Variants in TMTC4 observed in about 807,000 individuals in gnomAD.
The protein encoded by TMTC4 is transmembrane O-mannosyltransferase targeting cadherins 4.
A neutral mutation model predicts 86.0 loss-of-function variants in TMTC4; 65 were observed. The ratio of observed to expected loss-of-function variants is 0.76; its 90% CI spans 0.62 to 0.93. The LOEUF (loss-of-function observed/expected upper bound fraction) is 0.93, where lower values mean the gene tolerates loss of function less well. TMTC4 is among the 40% of genes least tolerant of loss of function. TMTC4 has a pLI of 0.00. For synonymous variants in TMTC4, 379 were observed against 382.5 expected (o/e 0.99, Z 0.11); for missense variants, 866 against 948.1 (o/e 0.91, Z 1.14).
chr13:100,652,127 T>A (rs1315641443), intron 6 of TMTC4, among the ~76,000 whole-genome samples: 2 of 151,956 alleles, frequency 1.3e-5, no homozygotes, highest in East Asian at 3.9e-4. Context: ...ATCGTGCCAC[T>A]GCATTCCAGC....
chr13:100,642,329 T>C lies in TMTC4; in HGVS notation c.641-18A>G, dbSNP rs1883128454. The C allele has an allele frequency of 1.2e-6, 2 of 1,613,868 alleles. No individual in the cohort carries two copies. The highest frequency in any genetic ancestry group is 8.5e-7 in the Non-Finnish European group (1 of 1,179,908). ...CTTGTTACCTGCCAATTAAGAGAAA[T>C]GATCAGTGCAAAAGTCATGGAATGC... On this transcript the variant is annotated intron_variant, in intron 6 of 18. Coordinates refer to ENST00000342624, the MANE Select transcript of TMTC4 (RefSeq NM_032813.5).
At chr13:100,628,557 G>A (rs1345202668) in intron 12 of TMTC4, among the ~76,000 whole-genome samples, 3 of 151,798 alleles carry the variant, frequency 2.0e-5, no homozygotes, top group East Asian at 1.9e-4. Context: ...ATTTTTTGAG[G>A]TACTAACATG....
In TMTC4 at chr13:100,638,052, C is replaced by T. The variant is rs367545506; in HGVS notation, c.742-30G>A. 211 of 1,581,206 alleles carry T rather than the reference C, an allele frequency of 1.3e-4. 1 individual carries two copies. The Middle Eastern group carries it at 7.7e-3, about 58-fold the overall frequency. On this transcript the variant is annotated intron_variant, in intron 7 of 18. Transcript: ENST00000342624. ...GAAAGCAAAGCAAGACAATCAGCCACGGGAGAGCTTGGCTGTGTTAGGCAG... is the reference window on the plus strand; with the variant it reads ...GAAAGCAAAGCAAGACAATCAGCCATGGGAGAGCTTGGCTGTGTTAGGCAG...
intron 12 of TMTC4, among the ~76,000 whole-genome samples, chr13:100,632,045 ACACACACACTCT>A (rs1396497781): frequency 2.3e-4 from 15 of 65,106 alleles, no homozygotes; most frequent in African/African-American, 6.1e-4. Flanking sequence ...ACACACACAC[ACACACACACTCT>A]CTCTCTCTCT....
chr13:100,665,966 T>C lies in TMTC4; in HGVS notation c.220-1630A>G, dbSNP rs752643320. On this transcript the variant is annotated intron_variant, in intron 3 of 18. Transcript: ENST00000342624. ...TGACTCAGTGACAAGCCTGGAAGCC[T>C]ACCTTCTTCTACACTCTTACAGAAG... The C allele has an allele frequency of 2.0e-5, 9 of 454,384 alleles. No individual in the cohort carries two copies. In the East Asian group the frequency reaches 4.2e-4, roughly 21 times the overall value. 28.1% of individuals were successfully genotyped at this position (454,384 alleles called of 1,614,324 possible).
rs904409666 is a variant in TMTC4, at chr13:100,673,938, C to T, written c.-208+806G>A. ...CTCCCCATGCATTTATTTGCTCTCCCGGGGAAAGAGCGAAGTGTGGGATGA... is the reference window on the plus strand; with the variant it reads ...CTCCCCATGCATTTATTTGCTCTCCTGGGGAAAGAGCGAAGTGTGGGATGA... On this transcript the variant is annotated intron_variant, in intron 1 of 18. Transcript: ENST00000342624. The T allele has an allele frequency of 1.1e-4, 85 of 774,824 alleles. No individual in the cohort carries two copies. In the African/African-American group the frequency reaches 1.5e-3, roughly 14 times the overall value. The allele number at this position is 774,824 out of a possible 1,614,324, so 48.0% of individuals were successfully genotyped here. A position where few individuals can be genotyped will look rare whatever the true frequency, so the allele number is the denominator to read the frequency against.
chr13:100,648,940 T>C (rs61969978), intron 6 of TMTC4, among the ~76,000 whole-genome samples: 388 of 152,284 alleles, frequency 2.5e-3, no homozygotes, highest in Non-Finnish European at 4.8e-3. Context: ...CCTCCCGCCT[T>C]GACCTCCCCA....
chr13:100,661,330 T>G (rs1397363565), intron 5 of TMTC4, among the ~76,000 whole-genome samples: 1 of 152,244 alleles, frequency 6.6e-6, no homozygotes, highest in Non-Finnish European at 1.5e-5. Flanking sequence ...CACATTCAGT[T>G]ATACCTGTTG....
chr13:100,638,870 G>A (rs1882626293), intron 7 of TMTC4: 1 of 152,266 alleles, frequency 6.6e-6, no homozygotes, highest in South Asian at 2.1e-4. Flanking sequence ...CATGACCCAT[G>A]AGGGGAACAA....
chr13:100,610,284 T>C (rs771698155), intron 17 of TMTC4, among the ~76,000 whole-genome samples: 34 of 152,234 alleles, frequency 2.2e-4, no homozygotes, highest in Admixed American at 6.5e-5. Context: ...TGCCCAGTGC[T>C]CTGCGAGGAA....
chr13:100,618,454 G>C (rs7988203), intron 15 of TMTC4, among the ~76,000 whole-genome samples: 4,975 of 129,742 alleles, frequency 0.038, 280 homozygotes, highest in African/African-American at 0.14. Flanking sequence ...GTTGCTTCTT[G>C]TTTTTTTTTT....
intron 1 of TMTC4, 166 bp downstream of exon 1, chr13:100,674,578 C>T (rs1887597107): frequency 1.0e-6 from 1 of 982,466 alleles, no homozygotes; most frequent in Admixed American, 6.2e-5. Context: ...CCGGCCCGGG[C>T]CGCAGCTCAG....
In TMTC4 at chr13:100,672,758, T is replaced by C. The variant is rs539731109; in HGVS notation, c.-208+1986A>G. Among the ~76,000 whole-genome samples, 46 of 152,290 alleles carry C rather than the reference T, an allele frequency of 3.0e-4. No individual in the cohort carries two copies. The South Asian group carries it at 9.1e-3, about 30-fold the overall frequency. ...CCTCCTGCCTCAGCCTTCCAAAGCA[T>C]GGGGATTACAGGTGTGAACCACCGT... On this transcript the variant is annotated intron_variant, in intron 1 of 18. Transcript: ENST00000342624.
rs1876408168 is a variant in TMTC4, at chr13:100,605,270, A to G, written c.2135-128T>C. On this transcript the variant is annotated intron_variant, in intron 18 of 18. Coordinates refer to ENST00000342624, the MANE Select transcript of TMTC4 (RefSeq NM_032813.5). This position sits in a 1 kb window ranked among gnomAD's most constrained non-coding sequence, Gnocchi z 4.3. ...TTTCAAAAGTCAATTGTATGAAACA[A>G]TATTGTTTGTACTGAAAACTCTATT... 1.8e-6 allele frequency: 2 copies of G among 1,119,044 alleles called. No homozygotes were observed. The allele number at this position is 1,119,044 out of a possible 1,614,324, so 69.3% of individuals were successfully genotyped here.
At chr13:100,618,980 A>G (rs993491486) in intron 15 of TMTC4, among the ~76,000 whole-genome samples, 52 of 152,096 alleles carry the variant, frequency 3.4e-4, no homozygotes, top group African/African-American at 9.9e-4. Context: ...TTGTCATCCC[A>G]GCCCGTTCTC....
At chr13:100,609,535 T>G (rs1471310928) in intron 17 of TMTC4, among the ~76,000 whole-genome samples, 5 of 152,158 alleles carry the variant, frequency 3.3e-5, no homozygotes, top group Admixed American at 6.5e-5. Context: ...ATTTAAGCAC[T>G]GAAAAACATT....
chr13:100,611,093 G>A (rs1236185164), intron 17 of TMTC4, among the ~76,000 whole-genome samples: 2 of 152,184 alleles, frequency 1.3e-5, no homozygotes, highest in Admixed American at 1.3e-4. Flanking sequence ...TACTGATAAT[G>A]ACATGTAATA....
At chr13:100,630,027 A>ATGTG (rs71121125) in intron 12 of TMTC4, among the ~76,000 whole-genome samples, 6 of 46,168 alleles carry the variant, frequency 1.3e-4, no homozygotes, top group African/African-American at 2.5e-4. Flanking sequence ...ATCTGTGTGT[A>ATGTG]TGTGTGTGTG....
At chr13:100,667,645 A>C (rs1278959382) in intron 3 of TMTC4, among the ~76,000 whole-genome samples, 1 of 152,150 alleles carries the variant, frequency 6.6e-6, no homozygotes, top group East Asian at 1.9e-4. Context: ...CCATAACTTC[A>C]CATTTTTAAG....
Sources: gnomAD v4.1 joint callset for allele counts (sites outside exome capture counted in the v4.1 genomes callset) on GRCh38, gnomAD v4.1.1 for gene constraint, Gnocchi (gnomAD v3.1) non-coding constraint, MANE v1.5 for transcripts, NCBI Gene and HGNC (gene_info 2026-07-23, HGNC 2026-07-21) for gene names.